Variants in MYBBP1A observed in about 807,000 individuals in gnomAD.
The protein encoded by MYBBP1A is myb-binding protein 1A.
MYBBP1A carries 147 observed loss-of-function variants against 136.3 expected under a neutral mutation model. That is an observed-to-expected ratio of 1.08 (90% CI 0.94 to 1.24). MYBBP1A has a LOEUF of 1.24. MYBBP1A is among the 50% of genes most tolerant of loss of function. The pLI is 0.00. For synonymous variants in MYBBP1A, 947 were observed against 735.8 expected (o/e 1.29, Z -4.65); for missense variants, 2,060 against 1,727.4 (o/e 1.19, Z -3.41).
chr17:4,550,401 G>A (rs781159650), intron 8 of MYBBP1A, 48 bp from the exon 9 acceptor site: 7 of 1,561,276 alleles, frequency 4.5e-6, no homozygotes, highest in Admixed American at 1.8e-5. Context: ...AGGGGGGCAG[G>A]CGGTTAACAA....
intron 17 of MYBBP1A, 21 bp downstream of exon 17, chr17:4,545,005 C>A (rs763570789): frequency 2.5e-5 from 37 of 1,472,826 alleles, no homozygotes; most frequent in Non-Finnish European, 2.9e-5. Context: ...GGCCGCCCCC[C>A]CCTCCACCTC....
chr17:4,543,037 T>C lies in MYBBP1A; in HGVS notation c.2768A>G (p.His923Arg). 8 of 1,613,650 alleles carry C rather than the reference T, an allele frequency of 5.0e-6. No homozygotes were observed. The highest frequency in any genetic ancestry group is 5.1e-6 in the Non-Finnish European group (6 of 1,179,944). The change falls in exon 20 of 26, where the codon CAC becomes CGC. Residue 923 changes from histidine to arginine, a missense_variant. Coordinates refer to ENST00000254718, the MANE Select transcript of MYBBP1A (RefSeq NM_014520.4). ...GAGCAGGTAGAGAGAGGCGTTGAAG[T>C]GGTAGAGGGCGGTGGGGGAGTCGGG... ...RQPDSPTALY[H>R]FNASLYLLRV... is the part of the protein sequence containing the mutation.
intron 25 of MYBBP1A, 114 bp from the exon 26 acceptor site, chr17:4,540,081 G>A: frequency 7.5e-7 from 1 of 1,331,028 alleles, no homozygotes; most frequent in Non-Finnish European, 1.0e-6. Flanking sequence ...TAGGTTCTGT[G>A]AGGCCCCTAT....
chr17:4,544,609 G>A lies in MYBBP1A; in HGVS notation c.2519C>T (p.Pro840Leu). Reference protein sequence around the residue: ...DLVEVLVTKQPENALVLELLE... With the variant: ...DLVEVLVTKQLENALVLELLE... ...CAGCTCCAGGACCAGGGCATTCTCG[G>A]GCTGCTTGGTCACTAGCACCTCCAC... The change falls in exon 19 of 26, where the codon CCC (proline) becomes CTC (leucine). Residue 840 changes from proline to leucine, a missense_variant. Pro to Leu is a moderately conservative substitution (Grantham distance 98, BLOSUM62 -3). Transcript: ENST00000254718. 6.3e-7 allele frequency: 1 copy of A among 1,587,676 alleles called. No individual in the cohort carries two copies.
chr17:4,544,646 C>T lies in MYBBP1A; in HGVS notation c.2482G>A (p.Val828Met). ...ACTAGCACCTCCACCAGGTCCAGCA[C>T]CTGCAGCCAGGAGGGCAGGTCAGCA... ...KALRRDFQIR[V>M]LDLVEVLVTK... The change falls in exon 19 of 26, where the codon GTG (valine) becomes ATG (methionine). Residue 828 changes from valine to methionine, a missense_variant and splice_region_variant. Val to Met is a conservative substitution (Grantham distance 21, BLOSUM62 1). Transcript: ENST00000254718. The T allele has an allele frequency of 1.9e-6, 3 of 1,573,002 alleles. No homozygotes were observed. The highest frequency in any genetic ancestry group is 1.7e-6 in the Non-Finnish European group (2 of 1,160,138).
chr17:4,545,064 C>G lies in MYBBP1A; in HGVS notation c.2272G>C (p.Glu758Gln), dbSNP rs1402556789. 6 of 1,525,372 alleles carry G rather than the reference C, an allele frequency of 3.9e-6. No homozygotes were observed. The highest frequency in any genetic ancestry group is 2.4e-5 in the South Asian group (2 of 84,566). 94.5% of individuals were successfully genotyped at this position (1,525,372 alleles called of 1,614,324 possible). The change falls in exon 17 of 26, where the codon GAA becomes CAA. Residue 758 changes from glutamate (E) to glutamine (Q), a missense_variant. Glu to Gln is a conservative substitution (Grantham distance 29). Transcript: ENST00000254718. ...RDGDVDQGFR[E>Q]QLMTVLQAGK... is the part of the protein sequence containing the mutation. Reference sequence around the variant, plus strand: ...GCCTGCAGCACGGTCATCAGCTGTTCCCGGAAGCCCTGATCCACGTCCCCG... The same window carrying G: ...GCCTGCAGCACGGTCATCAGCTGTTGCCGGAAGCCCTGATCCACGTCCCCG...
chr17:4,542,169 G>A, intron 22 of MYBBP1A: 1 of 585,478 alleles, frequency 1.7e-6, no homozygotes, highest in South Asian at 2.2e-5. Flanking sequence ...CAACAGCCCT[G>A]GCACCAGAGC....
intron 22 of MYBBP1A, 26 bp downstream of exon 22, chr17:4,542,438 G>A: frequency 1.3e-6 from 2 of 1,593,092 alleles, no homozygotes; most frequent in East Asian, 2.2e-5. Flanking sequence ...GACAGGCCCT[G>A]GGCTGGGAGC....
rs2144485287 is a variant in MYBBP1A, at chr17:4,549,336, C to T, written c.1426G>A (p.Ala476Thr). ...GGAATCCAGCACAGCTCGCACCTGG[C>T]CACCTGCTCAGTCAAGGCCTCCTCC... ...EMEEALTEQV[A>T]RFCLFHSFFV... The change falls in exon 10 of 26, where the codon GCC (alanine) becomes ACC (threonine). Residue 476 changes from alanine (A) to threonine (T), a missense_variant. By Grantham distance (58) the Ala-to-Thr change is moderately conservative. Transcript: ENST00000254718. The T allele has an allele frequency of 1.2e-6, 2 of 1,611,002 alleles. No individual in the cohort carries two copies. Among genetic ancestry groups the T allele is most frequent in the South Asian group, 2.2e-5 (2 of 90,990 alleles).
intron 17 of MYBBP1A, 40 bp downstream of exon 17, chr17:4,544,986 G>GCCCAGC: frequency 1.4e-6 from 2 of 1,464,164 alleles, no homozygotes; most frequent in Non-Finnish European, 1.8e-6. Context: ...GGACACCCGA[G>GCCCAGC]CCCTCCCCGG....
Position 4,541,904 on chromosome 17 carries a change from A to T in MYBBP1A, c.3088-13T>A. The T allele has an allele frequency of 6.2e-7, 1 of 1,609,228 alleles. No homozygotes were observed. Among genetic ancestry groups the T allele is most frequent in the Middle Eastern group, 1.8e-4 (1 of 5,630 alleles). On this transcript the variant is annotated splice_polypyrimidine_tract_variant and intron_variant, in intron 22 of 25. Transcript: ENST00000254718. ...GCAGCAGGCAGGCCTGTGGGTGGGC[A>T]AAGGTGGGTGGCAGGAGCCTTGGCA...
At chr17:4,547,893 C>CG (rs1381804352) in intron 13 of MYBBP1A, 65 bp downstream of exon 13, 2 of 1,330,858 alleles carry the variant, frequency 1.5e-6, no homozygotes, top group African/African-American at 3.0e-5. Flanking sequence ...AAAAGCCTCT[C>CG]GGTAGGGGGC....
chr17:4,539,651 G>C lies in MYBBP1A; in HGVS notation c.3751C>G (p.Leu1251Val). The change falls in exon 26 of 26, where the codon CTG becomes GTG. Residue 1251 changes from leucine to valine, a missense_variant. By Grantham distance (32) the Leu-to-Val change is conservative. Transcript: ENST00000254718. ...GACGGCTTCTGGTTTTTCTTCTGCA[G>C]TTTTGGGGATTTGGCAGGGGTGCTG... is the stretch of plus-strand genomic sequence containing the variant. ...SPSTPAKSPK[L>V]QKKNQKPSQV... The C allele has an allele frequency of 6.2e-7, 1 of 1,612,078 alleles. No individual in the cohort carries two copies. Among genetic ancestry groups the C allele is most frequent in the South Asian group, 1.1e-5 (1 of 91,022 alleles).
rs749064539 is a variant in MYBBP1A at position 4,539,485 on chromosome 17, A to G, written c.3917T>C (p.Ile1306Thr). The G allele has an allele frequency of 6.2e-7, 1 of 1,614,088 alleles. No individual in the cohort carries two copies. The highest frequency in any genetic ancestry group is 8.5e-7 in the Non-Finnish European group (1 of 1,180,010). The change falls in exon 26 of 26, where the codon ATC (isoleucine) becomes ACC (threonine). Residue 1306 changes from isoleucine to threonine, a missense_variant. By Grantham distance (89) the Ile-to-Thr change is moderately conservative (BLOSUM62 -1). Transcript: ENST00000254718. ...ARKKARLSLVIRSPSLLQSGA... is the reference protein window; with the variant it reads ...ARKKARLSLVTRSPSLLQSGA... ...ACTCTGAAGCAGGCTGGGACTCCTGATGACCAAAGACAGCCTTGCCTTTTT... is the reference window on the plus strand; with the variant it reads ...ACTCTGAAGCAGGCTGGGACTCCTGGTGACCAAAGACAGCCTTGCCTTTTT...
At position 4,540,245 on chromosome 17, in the gene MYBBP1A, G is replaced by A; in HGVS notation, c.3434+103C>T. 5.0e-6 allele frequency: 7 copies of A among 1,397,144 alleles called. No individual in the cohort carries two copies. The South Asian group carries it at 6.7e-5, about 13-fold the overall frequency. 86.5% of individuals were successfully genotyped at this position (1,397,144 alleles called of 1,614,324 possible). A position where few individuals can be genotyped will look rare whatever the true frequency, so the allele number is the denominator to read the frequency against. ...GTGTGTGCAGCAGCATGCGTGTGCAGTGTGCGTGTGCAGCAGCGTGTGTGC... is the reference window on the plus strand; with the variant it reads ...GTGTGTGCAGCAGCATGCGTGTGCAATGTGCGTGTGCAGCAGCGTGTGTGC... On this transcript the variant is annotated intron_variant, in intron 25 of 25. Transcript: ENST00000254718.
At position 4,550,220 on chromosome 17, in the gene MYBBP1A, G is replaced by A; in HGVS notation, c.1157C>T (p.Pro386Leu). The change falls in exon 9 of 26, where the codon CCT (proline) becomes CTT (leucine). Residue 386 changes from proline to leucine, a missense_variant. Transcript: ENST00000254718. ...AFSSVTNQGL[P>L]VTPTFWRVVR... The stretch of plus-strand genomic sequence containing the variant: ...GACCCGCCAGAAAGTAGGCGTGACA[G>A]GGAGGCCTTGGTTGGTGACAGATGA... 1.2e-6 allele frequency: 2 copies of A among 1,613,854 alleles called. No individual in the cohort carries two copies. Among genetic ancestry groups the A allele is most frequent in the South Asian group, 1.1e-5 (1 of 91,090 alleles).
chr17:4,540,016 C>A (rs1443828173), intron 25 of MYBBP1A, 49 bp from the exon 26 acceptor site: 1 of 1,558,154 alleles, frequency 6.4e-7, no homozygotes, highest in East Asian at 2.2e-5. Flanking sequence ...GGGCAGCAGC[C>A]ACCGCCACCG....
At position 4,545,258 on chromosome 17, in the gene MYBBP1A, C is replaced by T; in HGVS notation, c.2160+1G>A. The T allele has an allele frequency of 6.2e-7, 1 of 1,612,792 alleles. No individual in the cohort carries two copies. Among genetic ancestry groups the T allele is most frequent in the Non-Finnish European group, 8.5e-7 (1 of 1,179,864 alleles). ...CCCCGCCCGGCCCATGCTGGCAACACCTCTGCACCCTTCAGCCGCCGCTCA... is the reference window on the plus strand; with the variant it reads ...CCCCGCCCGGCCCATGCTGGCAACATCTCTGCACCCTTCAGCCGCCGCTCA... On this transcript the variant is annotated splice_donor_variant, in intron 16 of 25. Coordinates refer to ENST00000254718, the MANE Select transcript of MYBBP1A (RefSeq NM_014520.4). LOFTEE classifies it high-confidence loss of function.
rs1383063822 is a variant in MYBBP1A, at chr17:4,544,808, T to A, written c.2424A>T (p.Arg808=). 2 of 1,602,418 alleles carry A rather than the reference T, an allele frequency of 1.2e-6. No homozygotes were observed. Among genetic ancestry groups the A allele is most frequent in the Non-Finnish European group, 1.7e-6 (2 of 1,175,020 alleles). The part of the protein sequence containing the change: ...AEQKLRIQAR[R]DEKNKLQKEK... ...CCTTCTGCAGCTTGTTCTTCTCGTC[T>A]CGCCGGGCCTGGATACGCAGCTTCT... The change falls in exon 18 of 26, where the codon CGA becomes CGT. Residue 808 remains arginine (R), a synonymous_variant. Coordinates refer to ENST00000254718, the MANE Select transcript of MYBBP1A (RefSeq NM_014520.4).
Sources: gnomAD v4.1 joint callset for allele counts on GRCh38, gnomAD v4.1.1 for gene constraint, MANE v1.5 for transcripts, NCBI Gene and HGNC (gene_info 2026-07-23, HGNC 2026-07-21) for gene names.